The following TCEA3 variants were observed in gnomAD, a reference collection of about 807,000 sequenced individuals.
TCEA3 encodes transcription elongation factor A3.
Under a neutral mutation model 44.0 loss-of-function variants are expected in TCEA3, and 36 were observed. That is an observed-to-expected ratio of 0.82 (90% CI 0.63 to 1.08). The LOEUF (loss-of-function observed/expected upper bound fraction) is 1.08, where lower values mean the gene tolerates loss of function less well. Ranked by LOEUF, TCEA3 falls within the 50% of genes least tolerant of loss-of-function variation. The pLI, the probability that TCEA3 is intolerant of heterozygous loss-of-function variation, is 0.00. For missense variants in TCEA3, 392 were observed against 441.2 expected, an observed-to-expected ratio of 0.89 and a Z score of 1.00; for synonymous variants, 162 against 159.7, an observed-to-expected ratio of 1.01 and a Z score of -0.11.
intron 5 of TCEA3, among the ~76,000 whole-genome samples, chr1:23,400,187 T>C (rs762734128): frequency 2.3e-4 from 35 of 152,206 alleles, no homozygotes; most frequent in Admixed American, 1.1e-3. Context: ...CTGTTTATTC[T>C]TTTTGGTAAC....
In TCEA3 at chr1:23,415,107, T is replaced by A. The variant is rs200661861; in HGVS notation, c.380+2142A>T. On this transcript the variant is annotated intron_variant, in intron 4 of 10. Coordinates refer to ENST00000450454, the MANE Select transcript of TCEA3 (RefSeq NM_003196.3). Reference sequence around the variant, plus strand: ...GGCGGGATCTCAGCTCACTGCAACCTCTGCTCCCGGGTTCAAGTGATTCTC... The same window carrying A: ...GGCGGGATCTCAGCTCACTGCAACCACTGCTCCCGGGTTCAAGTGATTCTC... 5.0e-5 allele frequency among the ~76,000 whole-genome samples: 7 copies of A among 141,242 alleles called. No individual in the cohort carries two copies. In the East Asian group the frequency reaches 1.6e-3, roughly 33 times the overall value. The allele number at this position is 141,242 out of a possible 152,430, so 92.7% of individuals were successfully genotyped here.
chr1:23,403,658 C>T (rs1787654), intron 5 of TCEA3: 21,028 of 163,388 alleles, frequency 0.13, 2,959 homozygotes, highest in African/African-American at 0.34. Context: ...CAAGTTACTG[C>T]CCCAAGTTAT....
intron 5 of TCEA3, among the ~76,000 whole-genome samples, chr1:23,400,816 A>G (rs931074723): frequency 2.6e-5 from 4 of 152,268 alleles, no homozygotes; most frequent in Admixed American, 2.0e-4. Context: ...TCCAGGAGGC[A>G]CCATTTACAT....
chr1:23,400,867 T>A (rs1639378187), intron 5 of TCEA3, among the ~76,000 whole-genome samples: 1 of 152,224 alleles, frequency 6.6e-6, no homozygotes, highest in South Asian at 2.1e-4. Flanking sequence ...GTGCACAGCC[T>A]GGGCAGCTGC....
intron 1 of TCEA3, 59 bp from the exon 2 acceptor site, chr1:23,419,198 A>G: frequency 7.4e-7 from 1 of 1,355,924 alleles, no homozygotes; most frequent in Non-Finnish European, 1.0e-6. Flanking sequence ...TTCTCTGACT[A>G]TTGTGTGGTC....
At chr1:23,388,951 G>A (rs976239701) in intron 8 of TCEA3, among the ~76,000 whole-genome samples, 8 of 152,096 alleles carry the variant, frequency 5.3e-5, no homozygotes, top group South Asian at 4.2e-4. Flanking sequence ...CCGAAGTGCC[G>A]GGATTACAGG....
At chr1:23,401,447 T>C (rs1268828951) in intron 5 of TCEA3, among the ~76,000 whole-genome samples, 2 of 152,090 alleles carry the variant, frequency 1.3e-5, no homozygotes, top group Admixed American at 1.3e-4. Context: ...CCTGGCAGCA[T>C]GGTGGAGGGA....
At position 23,408,002 on chromosome 1, in the gene TCEA3, C is replaced by T. The variant is rs1167869963; in HGVS notation, c.443+662G>A. 5.3e-5 allele frequency among the ~76,000 whole-genome samples: 8 copies of T among 152,006 alleles called. No homozygotes were observed. The South Asian group carries it at 1.5e-3, about 28-fold the overall frequency. On this transcript the variant is annotated intron_variant, in intron 5 of 10. Transcript: ENST00000450454. Reference sequence around the variant, plus strand: ...TTTGAGATGGGGTCTCACTCTGTTGCCCAGGTTGGATTGCAGTGGCGCGAT... The same window carrying T: ...TTTGAGATGGGGTCTCACTCTGTTGTCCAGGTTGGATTGCAGTGGCGCGAT...
rs888920380 is a variant in TCEA3 at position 23,404,184 on chromosome 1, T to C, written c.443+4480A>G. 1.4e-5 allele frequency: 10 copies of C among 702,186 alleles called. No homozygotes were observed. In the African/African-American group the frequency reaches 1.7e-4, roughly 12 times the overall value. 43.5% of individuals were successfully genotyped at this position (702,186 alleles called of 1,614,324 possible). ...CTCTGCAAATGGCAAATCATTCTGA[T>C]AGCCAGGTAAAAGGACAACTGAGAA... On this transcript the variant is annotated intron_variant, in intron 5 of 10. Coordinates refer to ENST00000450454, the MANE Select transcript of TCEA3 (RefSeq NM_003196.3).
intron 5 of TCEA3, among the ~76,000 whole-genome samples, chr1:23,408,387 C>T (rs926068958): frequency 1.3e-5 from 2 of 152,062 alleles, no homozygotes; most frequent in Admixed American, 6.5e-5. Context: ...ACCCCTGATT[C>T]GGGGGCACAC....
At chr1:23,407,948 C>T (rs904776733) in intron 5 of TCEA3, among the ~76,000 whole-genome samples, 5 of 151,868 alleles carry the variant, frequency 3.3e-5, no homozygotes, top group African/African-American at 9.7e-5. Flanking sequence ...CTTTTCTTTT[C>T]TTTTTTGTTT....
At chr1:23,413,711 G>A (rs1639802686) in intron 4 of TCEA3, among the ~76,000 whole-genome samples, 1 of 152,154 alleles carries the variant, frequency 6.6e-6, no homozygotes, top group African/African-American at 2.4e-5. Flanking sequence ...TGGGATTAAG[G>A]GCGTGAGCCA....
chr1:23,388,510 G>T (rs1298783143), intron 8 of TCEA3, among the ~76,000 whole-genome samples: 21 of 151,994 alleles, frequency 1.4e-4, no homozygotes. Context: ...CATTTTAATT[G>T]TTGCTGTCTG....
intron 4 of TCEA3, chr1:23,411,027 G>T (rs571663500): frequency 7.3e-5 from 15 of 205,968 alleles, no homozygotes; most frequent in Non-Finnish European, 9.4e-5. Context: ...GAGATGTGGT[G>T]ATCAGGGGAC....
intron 5 of TCEA3, among the ~76,000 whole-genome samples, chr1:23,405,487 T>G (rs1322138153): frequency 6.6e-6 from 1 of 152,062 alleles, no homozygotes; most frequent in African/African-American, 2.4e-5. Context: ...TCCCAGCTAC[T>G]TTGGAGGCTG....
rs557279409 is a variant in TCEA3 at position 23,402,264 on chromosome 1, C to T, written c.444-4309G>A. Among the ~76,000 whole-genome samples, 29 of 152,262 alleles carry T rather than the reference C, an allele frequency of 1.9e-4. No individual in the cohort carries two copies. In the East Asian group the frequency reaches 3.3e-3, roughly 17 times the overall value. On this transcript the variant is annotated intron_variant, in intron 5 of 10. Coordinates refer to ENST00000450454, the MANE Select transcript of TCEA3 (RefSeq NM_003196.3). ...CTGAGGCACAAGAATCGCTTGAACC[C>T]GGGAGGTGGAGGCTGTAGTGAGCTG...
At chr1:23,418,415 G>A (rs752229810) in intron 2 of TCEA3, 9 of 186,488 alleles carry the variant, frequency 4.8e-5, no homozygotes, top group Non-Finnish European at 5.7e-5. Context: ...AGGTTCAAGC[G>A]ATTCTCGTGC....
intron 10 of TCEA3, among the ~76,000 whole-genome samples, chr1:23,382,694 T>G (rs909072266): frequency 1.3e-5 from 2 of 152,204 alleles, no homozygotes; most frequent in Non-Finnish European, 2.9e-5. Context: ...CCTTCTCTAC[T>G]CCTCAAAACA....
intron 7 of TCEA3, among the ~76,000 whole-genome samples, chr1:23,397,005 CAAA>C (rs34931042): frequency 1.9e-3 from 132 of 68,380 alleles, no homozygotes; most frequent in African/African-American, 3.9e-3. Flanking sequence ...AACTCCGTCT[CAAA>C]AAAAAAAAAA....
Sources: gnomAD v4.1 joint callset for allele counts (sites outside exome capture counted in the v4.1 genomes callset) on GRCh38, gnomAD v4.1.1 for gene constraint, MANE v1.5 for transcripts, NCBI Gene and HGNC (gene_info 2026-07-23, HGNC 2026-07-21) for gene names.